COL5A2: variants seen among roughly 807,000 people sequenced by gnomAD.
COL5A2 encodes the protein collagen type V alpha 2 chain, also known as collagen alpha-2(V) chain.
Under a neutral mutation model 208.2 loss-of-function variants are expected in COL5A2, and 23 were observed. The observed-to-expected ratio is 0.11, with a 90% confidence interval of 0.08 to 0.16. The LOEUF is 0.16. Ranked by LOEUF, COL5A2 falls within the 10% of genes least tolerant of loss-of-function variation. The pLI, the probability that COL5A2 is intolerant of heterozygous loss-of-function variation, is 1.00. For missense variants in COL5A2, 1,590 were observed against 1,956.4 expected (o/e 0.81, Z 3.53); for synonymous variants, 625 against 628.5 (o/e 0.99, Z 0.08).
chr2:189,358,442 T>C, the COL5A2 span, among the ~76,000 whole-genome samples: 1 of 152,200 alleles, frequency 6.6e-6, no homozygotes. Context: ...AGCTGCTGTA[T>C]TTATGACATT....
At chr2:189,255,740 C>G in the COL5A2 span, among the ~76,000 whole-genome samples, 1 of 152,104 alleles carries the variant, frequency 6.6e-6, no homozygotes, top group East Asian at 1.9e-4. Context: ...ATTAAAATAT[C>G]TAACTATAAC....
the COL5A2 span, among the ~76,000 whole-genome samples, chr2:189,253,288 C>T: frequency 2.0e-5 from 3 of 152,170 alleles, no homozygotes; most frequent in African/African-American, 7.2e-5. Flanking sequence ...TTGTCTCAGA[C>T]CTGTCTTGCC....
At chr2:189,354,978 T>C in the COL5A2 span, among the ~76,000 whole-genome samples, 12 of 152,338 alleles carry the variant, frequency 7.9e-5, no homozygotes, top group African/African-American at 2.9e-4. Context: ...TGGTACGTTG[T>C]ATCTTTGTTC....
chr2:189,179,380 A>G, intron 1 of COL5A2, 128 bp downstream of exon 1: 1 of 1,053,080 alleles, frequency 9.5e-7, no homozygotes, highest in Non-Finnish European at 1.4e-6. Flanking sequence ...TCCAGGTGCA[A>G]ATCCGTCAGC....
At chr2:189,352,441 C>A in the COL5A2 span, among the ~76,000 whole-genome samples, 1 of 152,286 alleles carries the variant, frequency 6.6e-6, no homozygotes, top group South Asian at 2.1e-4. Flanking sequence ...ATACCAATTT[C>A]TCCACATCCT....
the COL5A2 span, among the ~76,000 whole-genome samples, chr2:189,270,651 T>C: frequency 6.6e-6 from 1 of 152,136 alleles, no homozygotes; most frequent in African/African-American, 2.4e-5. Context: ...TCCAGTTATG[T>C]GGTCAAGGCA....
intron 1 of COL5A2, among the ~76,000 whole-genome samples, chr2:189,150,587 C>T (rs975006465): frequency 4.6e-5 from 7 of 152,092 alleles, no homozygotes; most frequent in African/African-American, 1.7e-4. Flanking sequence ...TAAAATCGAC[C>T]TAAATCAAGC....
intron 38 of COL5A2, 109 bp downstream of exon 38, chr2:189,053,315 A>G: frequency 1.9e-6 from 2 of 1,033,914 alleles, no homozygotes; most frequent in Non-Finnish European, 3.0e-6. Context: ...TTGTCTAGAA[A>G]ACTGTAAATT....
At chr2:189,288,874 T>C in the COL5A2 span, among the ~76,000 whole-genome samples, 98 of 152,286 alleles carry the variant, frequency 6.4e-4, no homozygotes, top group African/African-American at 2.1e-3. Context: ...AACAGGAATT[T>C]ATCTATGGGA....
At chr2:189,224,435 T>A (rs946438335) in intron 1 of COL5A2, among the ~76,000 whole-genome samples, 21 of 152,128 alleles carry the variant, frequency 1.4e-4, no homozygotes, top group African/African-American at 4.8e-4. Flanking sequence ...ACGCCTGTAA[T>A]CCCAGTACCT....
At chr2:189,404,751 A>G in the COL5A2 span, among the ~76,000 whole-genome samples, 13 of 152,352 alleles carry the variant, frequency 8.5e-5, no homozygotes, top group Admixed American at 5.2e-4. Context: ...AGAAAATTAT[A>G]CAGGACTCAT....
chr2:189,270,251 C>T, the COL5A2 span, among the ~76,000 whole-genome samples: 2 of 152,040 alleles, frequency 1.3e-5, no homozygotes, highest in African/African-American at 2.4e-5. Flanking sequence ...CTGCTCTGAA[C>T]ATAGTTATTT....
At chr2:189,197,741 T>C (rs1689023359) in intron 1 of COL5A2, among the ~76,000 whole-genome samples, 1 of 151,782 alleles carries the variant, frequency 6.6e-6, no homozygotes, top group African/African-American at 2.4e-5. Context: ...TTCATACAAA[T>C]ACATTCAGGC....
the COL5A2 span, among the ~76,000 whole-genome samples, chr2:189,400,109 T>G: frequency 1.6e-4 from 24 of 152,248 alleles, no homozygotes; most frequent in Non-Finnish European, 3.1e-4. Flanking sequence ...GTTGATTGGT[T>G]TGGTTTTTTG....
chr2:189,347,951 C>T, the COL5A2 span, among the ~76,000 whole-genome samples: 1 of 152,082 alleles, frequency 6.6e-6, no homozygotes, highest in African/African-American at 2.4e-5. Flanking sequence ...TGTTAGCAAG[C>T]ATAAGCATGT....
At chr2:189,395,125 T>A in the COL5A2 span, among the ~76,000 whole-genome samples, 1 of 152,156 alleles carries the variant, frequency 6.6e-6, no homozygotes, top group African/African-American at 2.4e-5. Flanking sequence ...GCTATTAGAA[T>A]AATGTATTTT....
chr2:189,333,447 T>C, the COL5A2 span, among the ~76,000 whole-genome samples: 147 of 152,156 alleles, frequency 9.7e-4, 2 homozygotes, highest in Non-Finnish European at 1.8e-3. Context: ...ACATCTGAAA[T>C]AGTATGAGCA....
chr2:189,162,406 A>G (rs1261552926), intron 1 of COL5A2, among the ~76,000 whole-genome samples: 1 of 152,196 alleles, frequency 6.6e-6, no homozygotes, highest in Non-Finnish European at 1.5e-5. Flanking sequence ...TTGAGACCAG[A>G]GCATCATTTT....
Position 189,061,618 on chromosome 2 carries a change from A to G in COL5A2, c.1978-3T>C. The G allele has an allele frequency of 1.2e-6, 2 of 1,611,524 alleles. No homozygotes were observed. Among genetic ancestry groups the G allele is most frequent in the Non-Finnish European group, 1.7e-6 (2 of 1,177,816 alleles). On this transcript the variant is annotated splice_region_variant and splice_polypyrimidine_tract_variant and intron_variant, in intron 29 of 53. Transcript: ENST00000374866. ...TCTCCTCTTTCACCAGCTAGACCCT[A>G]AGTTGTGAAGGAGAAAATAATTGTG... is the stretch of plus-strand genomic sequence containing the variant.
Sources: allele counts gnomAD v4.1 joint callset (sites outside exome capture counted in the v4.1 genomes callset), GRCh38; gene constraint gnomAD v4.1.1; transcripts MANE v1.5; gene names NCBI Gene and HGNC (gene_info 2026-07-23, HGNC 2026-07-21).